The following KLC1 variants were observed in gnomAD, a reference collection of about 807,000 sequenced individuals.
KLC1 encodes kinesin light chain 1.
Under a neutral mutation model 84.2 loss-of-function variants are expected in KLC1, and 30 were observed. That is an observed-to-expected ratio of 0.36 (90% CI 0.27 to 0.48). The LOEUF is 0.48. Among genes scored for constraint, KLC1 ranks in the 20% least tolerant of loss-of-function variants. KLC1 has a pLI of 0.99. For synonymous variants in KLC1, 289 were observed against 293.3 expected (o/e 0.99, Z 0.15); for missense variants, 499 against 805.4 (o/e 0.62, Z 4.60).
intron 2 of KLC1, among the ~76,000 whole-genome samples, chr14:103,657,209 A>G (rs2078903297): frequency 6.6e-6 from 1 of 152,154 alleles, no homozygotes; most frequent in Non-Finnish European, 1.5e-5. Flanking sequence ...GGGTCTATAA[A>G]AAATTATGTT....
In KLC1 at chr14:103,687,006, T is replaced by C. The variant is rs866987043; in HGVS notation, c.1651-75T>C. ...CAGGGCGGCCTTGGTGGAGCTCTTA[T>C]TTGCACCCGGTGTGGCTCTTGTGGG... On this transcript the variant is annotated intron_variant, in intron 13 of 16. Transcript: ENST00000334553. The C allele has an allele frequency of 1.1e-5, 15 of 1,306,948 alleles. No individual in the cohort carries two copies. In the Middle Eastern group the frequency reaches 9.8e-4, roughly 86 times the overall value. The allele number at this position is 1,306,948 out of a possible 1,614,324, so 81.0% of individuals were successfully genotyped here. A position where few individuals can be genotyped will look rare whatever the true frequency, so the allele number is the denominator to read the frequency against.
At chr14:103,638,022 C>T (rs1365979184) in intron 1 of KLC1, among the ~76,000 whole-genome samples, 1 of 152,096 alleles carries the variant, frequency 6.6e-6, no homozygotes, top group Non-Finnish European at 1.5e-5. Context: ...CTGAATATGA[C>T]GTGGACTGTT....
Position 103,694,531 on chromosome 14 carries a change from T to C in KLC1, c.1848+2106T>C. The stretch of plus-strand genomic sequence containing the variant: ...GACAGGAACCTTTTCAAATCAATGC[T>C]GAGGCTGTATTTCTTAGCCGTCCAC... On this transcript the variant is annotated intron_variant, in intron 15 of 16. Transcript: ENST00000334553. This position sits in a 1 kb window ranked among gnomAD's most constrained non-coding sequence, Gnocchi z 4.5. The C allele has an allele frequency of 1.0e-6, 1 of 985,500 alleles. No homozygotes were observed. Among genetic ancestry groups the C allele is most frequent in the Non-Finnish European group, 1.2e-6 (1 of 829,956 alleles). The allele number at this position is 985,500 out of a possible 1,614,324, so 61.0% of individuals were successfully genotyped here. A position where few individuals can be genotyped will look rare whatever the true frequency, so the allele number is the denominator to read the frequency against.
chr14:103,629,230 G>A lies in KLC1; in HGVS notation c.-266G>A. On this transcript the variant is annotated 5_prime_UTR_variant, in exon 1 of 17. Coordinates refer to ENST00000334553, the MANE Select transcript of KLC1 (RefSeq NM_001394837.1). ...GACGCCATTTTCGGCGGCGGGAGCG[G>A]CGCAGGCGGCCGAGCGGGACTGGCT... 1 of 153,340 alleles carries A rather than the reference G, an allele frequency of 6.5e-6. No homozygotes were observed. The highest frequency in any genetic ancestry group is 1.5e-5 in the Non-Finnish European group (1 of 68,940). The allele number at this position is 153,340 out of a possible 1,614,324, so 9.5% of individuals were successfully genotyped here. A position where few individuals can be genotyped will look rare whatever the true frequency, so the allele number is the denominator to read the frequency against.
At chr14:103,656,844 A>G (rs747113211) in intron 2 of KLC1, among the ~76,000 whole-genome samples, 2 of 152,200 alleles carry the variant, frequency 1.3e-5, no homozygotes, top group Non-Finnish European at 2.9e-5. Context: ...AGGGATGGGC[A>G]GATGTATGTT....
intron 1 of KLC1, among the ~76,000 whole-genome samples, chr14:103,652,744 G>T (rs537981835): frequency 2.6e-5 from 4 of 152,280 alleles, no homozygotes; most frequent in Non-Finnish European, 4.4e-5. Context: ...GCCCGCCTTC[G>T]CCTCCCAAAG....
At chr14:103,701,126 C>T (rs2083163528) in intron 16 of KLC1, 75 bp from the exon 17 acceptor site, 4 of 1,523,446 alleles carry the variant, frequency 2.6e-6, no homozygotes, top group Admixed American at 2.0e-5. Flanking sequence ...CCCCAGAGAG[C>T]TGTTTCCAGA....
intron 13 of KLC1, chr14:103,685,343 T>C: frequency 7.9e-7 from 1 of 1,258,026 alleles, no homozygotes; most frequent in Admixed American, 3.6e-5. Context: ...TTACACCAAG[T>C]GTCAAGGAGA....
At chr14:103,695,468 C>T (rs999316291) in intron 15 of KLC1, 100 of 985,202 alleles carry the variant, frequency 1.0e-4, no homozygotes, top group South Asian at 1.4e-4. Flanking sequence ...TGGCTGCCCC[C>T]GTAGTGGGCT....
At chr14:103,639,685 C>T (rs2077342474) in intron 1 of KLC1, among the ~76,000 whole-genome samples, 1 of 152,152 alleles carries the variant, frequency 6.6e-6, no homozygotes, top group African/African-American at 2.4e-5. Flanking sequence ...AGCAGTGCTC[C>T]TGTCTTGGCC....
chr14:103,675,531 A>T, intron 9 of KLC1, 21 bp from the exon 10 acceptor site: 1 of 1,607,018 alleles, frequency 6.2e-7, no homozygotes, highest in African/African-American at 1.3e-5. Flanking sequence ...CTCAACCTGT[A>T]TGCTGTGTTT....
At chr14:103,698,754 T>C (rs752626065) in intron 15 of KLC1, 2 of 1,525,548 alleles carry the variant, frequency 1.3e-6, no homozygotes, top group South Asian at 2.4e-5. Context: ...GAGCCCCGTG[T>C]GTCGGGGCTT....
Position 103,662,141 on chromosome 14 carries a change from A to C in KLC1, c.518A>C (p.Lys173Thr), listed in dbSNP as rs150356959. 1 of 1,613,990 alleles carries C rather than the reference A, an allele frequency of 6.2e-7. No homozygotes were observed. Among genetic ancestry groups the C allele is most frequent in the East Asian group, 2.2e-5 (1 of 44,880 alleles). Reference sequence around the variant, plus strand: ...GAGGACAAAGACACTGATTCTACCAAAGAGCCTCTGGATGACCTTTTCCCC... The same window carrying C: ...GAGGACAAAGACACTGATTCTACCACAGAGCCTCTGGATGACCTTTTCCCC... ...PSEDKDTDSTKEPLDDLFPND... is the reference protein window; with the variant it reads ...PSEDKDTDSTTEPLDDLFPND... The change falls in exon 4 of 17, where the codon AAA becomes ACA. Residue 173 changes from lysine (K) to threonine (T), a missense_variant. By Grantham distance (78) the Lys-to-Thr change is moderately conservative. This residue lies in a region of KLC1 where 179 missense variants were observed against 264.2 expected (regional missense o/e 0.68). Coordinates refer to ENST00000334553, the MANE Select transcript of KLC1 (RefSeq NM_001394837.1).
intron 13 of KLC1, 110 bp downstream of exon 13, chr14:103,679,655 T>G: frequency 1.3e-6 from 1 of 761,410 alleles, no homozygotes; most frequent in Non-Finnish European, 2.2e-6. Context: ...TCAAATTAAG[T>G]GCCAATTAAG....
At chr14:103,692,456 G>C (rs2082175591) in intron 15 of KLC1, 31 bp downstream of exon 15, 2 of 1,533,044 alleles carry the variant, frequency 1.3e-6, no homozygotes, top group Non-Finnish European at 1.7e-6. Flanking sequence ...TGTGTCCTAG[G>C]CTGCCCAGAC....
intron 16 of KLC1, 108 bp downstream of exon 16, chr14:103,700,835 C>A: frequency 1.1e-6 from 1 of 922,188 alleles, no homozygotes; most frequent in Non-Finnish European, 1.6e-6. Context: ...GTGACTGCTG[C>A]TAGCTGCCAG....
At position 103,646,670 on chromosome 14, in the gene KLC1, C is replaced by G. The variant is rs367609077; in HGVS notation, c.-1-7894C>G. Among the ~76,000 whole-genome samples, 4 of 151,974 alleles carry G rather than the reference C, an allele frequency of 2.6e-5. No homozygotes were observed. The East Asian group carries it at 7.7e-4, about 29-fold the overall frequency. On this transcript the variant is annotated intron_variant, in intron 1 of 16. Coordinates refer to ENST00000334553, the MANE Select transcript of KLC1 (RefSeq NM_001394837.1). The stretch of plus-strand genomic sequence containing the variant: ...TTTTTCTTTTTGAAAAGATGGGACC[C>G]CTCTATGTTGCCCAGTCTGGTCTTG...
At chr14:103,639,290 C>A (rs2077303951) in intron 1 of KLC1, among the ~76,000 whole-genome samples, 1 of 152,086 alleles carries the variant, frequency 6.6e-6, no homozygotes, top group Non-Finnish European at 1.5e-5. Flanking sequence ...GCCACCACGC[C>A]TAGCTAATTT....
At chr14:103,683,289 T>C (rs755185252) in intron 13 of KLC1, 1 of 152,150 alleles carries the variant, frequency 6.6e-6, no homozygotes, top group Non-Finnish European at 1.5e-5. Context: ...TTCTCTTCTT[T>C]AGGTACACAC....
Sources: allele counts gnomAD v4.1 joint callset (sites outside exome capture counted in the v4.1 genomes callset), GRCh38; gene constraint gnomAD v4.1.1; regional missense constraint gnomAD v4.1.1; non-coding constraint Gnocchi (gnomAD v3.1); transcripts MANE v1.5; gene names NCBI Gene and HGNC (gene_info 2026-07-23, HGNC 2026-07-21).